Variants in ACBD6 observed in about 807,000 individuals in gnomAD.
The protein encoded by ACBD6 is acyl-CoA-binding domain-containing protein 6.
Under a neutral mutation model 37.2 loss-of-function variants are expected in ACBD6, and 28 were observed. That is an observed-to-expected ratio of 0.75 (90% CI 0.56 to 1.03). The LOEUF (loss-of-function observed/expected upper bound fraction) is 1.03, where lower values mean the gene tolerates loss of function less well. Ranked by LOEUF, ACBD6 falls within the 50% of genes least tolerant of loss-of-function variation. ACBD6 has a pLI of 0.00. For missense variants in ACBD6, 340 were observed against 337.4 expected, an observed-to-expected ratio of 1.01 and a Z score of -0.06; for synonymous variants, 113 against 126.8, an observed-to-expected ratio of 0.89 and a Z score of 0.73.
chr1:180,375,451 G>C (rs542169435), intron 6 of ACBD6, among the ~76,000 whole-genome samples: 1 of 152,114 alleles, frequency 6.6e-6, no homozygotes, highest in African/African-American at 2.4e-5. Flanking sequence ...TCAGCCTCAT[G>C]AGTAGCTGGG....
intron 7 of ACBD6, among the ~76,000 whole-genome samples, chr1:180,303,632 A>G (rs1337302200): frequency 6.6e-6 from 1 of 150,786 alleles, no homozygotes; most frequent in Non-Finnish European, 1.5e-5. Context: ...CCAACCAAAA[A>G]AAGTCCAGGA....
chr1:180,387,268 T>C (rs935563767), intron 6 of ACBD6, among the ~76,000 whole-genome samples: 2 of 152,212 alleles, frequency 1.3e-5, no homozygotes, highest in African/African-American at 4.8e-5. Context: ...TCCAGGACTC[T>C]ACATACAAGT....
intron 5 of ACBD6, among the ~76,000 whole-genome samples, chr1:180,403,492 G>T (rs1237638090): frequency 6.6e-6 from 1 of 152,156 alleles, no homozygotes; most frequent in African/African-American, 2.4e-5. Context: ...GATAAAGCAA[G>T]CATAGTAAAA....
chr1:180,327,769 T>C (rs947989705), intron 6 of ACBD6, among the ~76,000 whole-genome samples: 3 of 152,240 alleles, frequency 2.0e-5, no homozygotes, highest in Admixed American at 2.0e-4. Context: ...TAAACAATGA[T>C]GAACAGGATA....
intron 3 of ACBD6, among the ~76,000 whole-genome samples, chr1:180,465,582 C>T (rs1650317098): frequency 6.6e-6 from 1 of 152,084 alleles, no homozygotes; most frequent in Non-Finnish European, 1.5e-5. Flanking sequence ...ATTAGTTCAA[C>T]CATTGAGGAA....
At chr1:180,327,708 A>G (rs1651307081) in intron 6 of ACBD6, among the ~76,000 whole-genome samples, 1 of 152,188 alleles carries the variant, frequency 6.6e-6, no homozygotes, top group Admixed American at 6.5e-5. Context: ...GTTCCCATTT[A>G]TTTCCTACAG....
chr1:180,465,943 T>G, intron 3 of ACBD6, among the ~76,000 whole-genome samples: 1 of 150,626 alleles, frequency 6.6e-6, no homozygotes, highest in East Asian at 2.0e-4. Context: ...CACTTATAAG[T>G]GGGAGCTACA....
At chr1:180,363,227 T>A (rs771105943) in intron 6 of ACBD6, among the ~76,000 whole-genome samples, 9 of 152,220 alleles carry the variant, frequency 5.9e-5, no homozygotes, top group Non-Finnish European at 1.0e-4. Flanking sequence ...TTTATTTTTG[T>A]ACCTCGTTGA....
intron 3 of ACBD6, among the ~76,000 whole-genome samples, chr1:180,459,745 T>C (rs1018867396): frequency 6.6e-6 from 1 of 152,170 alleles, no homozygotes; most frequent in Non-Finnish European, 1.5e-5. Context: ...TAAATTCTAT[T>C]AAATGAGTGA....
At chr1:180,451,374 G>A (rs1649696452) in intron 3 of ACBD6, among the ~76,000 whole-genome samples, 1 of 152,078 alleles carries the variant, frequency 6.6e-6, no homozygotes, top group Non-Finnish European at 1.5e-5. Context: ...TCCACTCCTG[G>A]ATATATATCC....
intron 6 of ACBD6, among the ~76,000 whole-genome samples, chr1:180,318,163 G>GCCCCCCCC (rs1553291888): frequency 9.6e-5 from 3 of 31,402 alleles, no homozygotes; most frequent in African/African-American, 1.6e-4. Context: ...TTCCATCTCC[G>GCCCCCCCC]CCCCCCCCCC....
chr1:180,468,592 T>G (rs2102053677), intron 3 of ACBD6, among the ~76,000 whole-genome samples: 1 of 152,308 alleles, frequency 6.6e-6, no homozygotes, highest in East Asian at 1.9e-4. Flanking sequence ...TGAACATCTT[T>G]CTCTGTTTAT....
chr1:180,274,015 G>T, exon 11 of ACBD6: 1 of 716,942 alleles, frequency 1.4e-6, no homozygotes, highest in Non-Finnish European at 2.4e-6. Flanking sequence ...GGCCTGGGTT[G>T]GCCTCTGGAT....
At chr1:180,304,497 T>C (rs1200212290) in intron 7 of ACBD6, among the ~76,000 whole-genome samples, 5 of 150,726 alleles carry the variant, frequency 3.3e-5, no homozygotes, top group Admixed American at 6.6e-5. Flanking sequence ...TGAACTCCCA[T>C]TCACAACTGC....
chr1:180,276,574 G>A (rs1649042375), intron 9 of ACBD6: 1 of 152,234 alleles, frequency 6.6e-6, no homozygotes, highest in Non-Finnish European at 1.5e-5. Context: ...GAACACTGGG[G>A]TGGGGAGGAA....
intron 3 of ACBD6, among the ~76,000 whole-genome samples, chr1:180,491,701 C>T (rs1651507938): frequency 1.3e-5 from 2 of 152,198 alleles, no homozygotes; most frequent in African/African-American, 2.4e-5. Flanking sequence ...AAGTTAAACT[C>T]TTTCCAATTC....
chr1:180,460,750 A>C (rs1650114531), intron 3 of ACBD6, among the ~76,000 whole-genome samples: 1 of 152,254 alleles, frequency 6.6e-6, no homozygotes, highest in Admixed American at 6.5e-5. Context: ...TCCACAGGTC[A>C]GCAACCTCAA....
At chr1:180,401,641 G>C (rs1036374207) in intron 5 of ACBD6, among the ~76,000 whole-genome samples, 2 of 151,810 alleles carry the variant, frequency 1.3e-5, no homozygotes, top group African/African-American at 4.8e-5. Context: ...AAAAATTAGT[G>C]GGGTGTGGTG....
At chr1:180,326,898 C>A (rs1433912953) in intron 6 of ACBD6, among the ~76,000 whole-genome samples, 1 of 152,140 alleles carries the variant, frequency 6.6e-6, no homozygotes, top group Non-Finnish European at 1.5e-5. Context: ...AGTGCCCTAT[C>A]CTACTGTGGC....
Sources: allele counts gnomAD v4.1 joint callset (sites outside exome capture counted in the v4.1 genomes callset), GRCh38; gene constraint gnomAD v4.1.1; transcripts MANE v1.5; gene names NCBI Gene and HGNC (gene_info 2026-07-23, HGNC 2026-07-21).